The following CCL28 variants were observed in gnomAD, a reference collection of about 807,000 sequenced individuals.
CCL28 encodes the protein C-C motif chemokine ligand 28.
Under a neutral mutation model 7.1 loss-of-function variants are expected in CCL28, and 4 were observed. The observed-to-expected ratio is 0.56, with a 90% CI of 0.28 to 1.29. The LOEUF is 1.29. Ranked by LOEUF, CCL28 falls within the 50% of genes most tolerant of loss-of-function variation. The pLI is 0.11. For missense variants in CCL28, 151 were observed against 163.4 expected (o/e 0.92, Z 0.41); for synonymous variants, 55 against 57.8 (o/e 0.95, Z 0.22).
intron 1 of CCL28, among the ~76,000 whole-genome samples, chr5:43,395,676 A>G (rs1046415757): frequency 1.3e-5 from 2 of 152,080 alleles, no homozygotes; most frequent in East Asian, 1.9e-4. Context: ...ATCTCGTGCA[A>G]GAAAGAATTT....
the CCL28 span, among the ~76,000 whole-genome samples, chr5:43,365,961 T>G: frequency 6.6e-6 from 1 of 152,242 alleles, no homozygotes; most frequent in African/African-American, 2.4e-5. Context: ...ATTTGGCTAT[T>G]GATACTTGTG....
At chr5:43,403,981 C>G (rs1024278410) in intron 1 of CCL28, among the ~76,000 whole-genome samples, 9 of 152,138 alleles carry the variant, frequency 5.9e-5, no homozygotes. Flanking sequence ...AAGAAATGAA[C>G]AAAGCCTCCA....
At chr5:43,360,500 T>A in the CCL28 span, among the ~76,000 whole-genome samples, 1 of 152,214 alleles carries the variant, frequency 6.6e-6, no homozygotes, top group East Asian at 1.9e-4. Context: ...TAGCTCCCAC[T>A]TATACGTGAG....
intron 1 of CCL28, among the ~76,000 whole-genome samples, chr5:43,398,009 A>G (rs2111840421): frequency 6.6e-6 from 1 of 152,274 alleles, no homozygotes; most frequent in South Asian, 2.1e-4. Flanking sequence ...AAATGTCTAC[A>G]ATATCTAGTA....
At chr5:43,372,313 A>T (rs1739800264), downstream of CCL28, among the ~76,000 whole-genome samples, 1 of 152,220 alleles carries the variant, frequency 6.6e-6, no homozygotes, top group Non-Finnish European at 1.5e-5. Flanking sequence ...GTCGTTGAAG[A>T]GGACTCGTGT....
chr5:43,378,865 G>A (rs1234380657), downstream of CCL28, among the ~76,000 whole-genome samples: 3 of 152,088 alleles, frequency 2.0e-5, no homozygotes. Context: ...GGAGGCTGAG[G>A]CAAGGGAATT....
chr5:43,412,162 A>G, intron 1 of CCL28, 91 bp downstream of exon 1: 3 of 880,686 alleles, frequency 3.4e-6, no homozygotes, highest in Non-Finnish European at 5.1e-6. Context: ...GAAGAGATAG[A>G]TATTCTTGCC....
the CCL28 span, among the ~76,000 whole-genome samples, chr5:43,370,811 G>A: frequency 6.7e-6 from 1 of 148,910 alleles, no homozygotes; most frequent in African/African-American, 2.5e-5. Flanking sequence ...GCGTGACCTC[G>A]GCTCACTGCA....
intron 1 of CCL28, among the ~76,000 whole-genome samples, chr5:43,408,406 G>A (rs779454368): frequency 4.6e-5 from 7 of 152,122 alleles, no homozygotes; most frequent in African/African-American, 1.2e-4. Context: ...ACCAAACACC[G>A]CATGTTCTCA....
At chr5:43,375,371 A>T (rs1293592645), downstream of CCL28, among the ~76,000 whole-genome samples, 2 of 147,806 alleles carry the variant, frequency 1.4e-5, no homozygotes, top group African/African-American at 2.5e-5. Context: ...CAAAAAAAAA[A>T]AAAAAAAAAA....
intron 1 of CCL28, among the ~76,000 whole-genome samples, chr5:43,389,927 A>C (rs920501495): frequency 3.9e-5 from 6 of 152,186 alleles, no homozygotes; most frequent in Admixed American, 1.3e-4. Context: ...GGCAACTGTA[A>C]AATTCTGTTA....
intron 2 of CCL28, 30 bp downstream of exon 2, chr5:43,388,320 G>C: frequency 6.2e-7 from 1 of 1,613,382 alleles, no homozygotes; most frequent in Non-Finnish European, 8.5e-7. Context: ...CACTGTGCAG[G>C]TTTAGACCTC....
intron 2 of CCL28, among the ~76,000 whole-genome samples, chr5:43,384,259 G>GA (rs1740246281): frequency 6.6e-6 from 1 of 152,118 alleles, no homozygotes; most frequent in Admixed American, 6.6e-5. Context: ...ATAGACAGAG[G>GA]ATTCAGAAAG....
intron 1 of CCL28, among the ~76,000 whole-genome samples, chr5:43,390,709 C>T (rs1464421524): frequency 6.6e-6 from 1 of 152,226 alleles, no homozygotes; most frequent in African/African-American, 2.4e-5. Context: ...AAGGGATCAT[C>T]CCTCCTACAC....
At chr5:43,373,836 C>T (rs376039818), downstream of CCL28, among the ~76,000 whole-genome samples, 3 of 152,298 alleles carry the variant, frequency 2.0e-5, no homozygotes, top group East Asian at 1.9e-4. Flanking sequence ...CCTGTCCTAC[C>T]TACTGTGCAA....
At chr5:43,410,024 A>C (rs1741470874) in intron 1 of CCL28, among the ~76,000 whole-genome samples, 16 of 152,212 alleles carry the variant, frequency 1.1e-4, no homozygotes, top group Admixed American at 1.0e-3. Context: ...CCATCACAAC[A>C]AGATAGCCAT....
intron 1 of CCL28, among the ~76,000 whole-genome samples, chr5:43,403,165 G>A (rs982734314): frequency 9.9e-5 from 15 of 152,212 alleles, no homozygotes; most frequent in Non-Finnish European, 1.9e-4. Flanking sequence ...GAGAGTAGTG[G>A]TTCTACCAGC....
chr5:43,407,696 G>C (rs1561169401), intron 1 of CCL28, among the ~76,000 whole-genome samples: 1 of 152,172 alleles, frequency 6.6e-6, no homozygotes, highest in Non-Finnish European at 1.5e-5. Context: ...TACCATCAGA[G>C]TGAACAGGCA....
chr5:43,375,714 G>A (rs1451776997), downstream of CCL28, among the ~76,000 whole-genome samples: 3 of 152,308 alleles, frequency 2.0e-5, no homozygotes, highest in Non-Finnish European at 2.9e-5. Context: ...ACTTGGGGCC[G>A]GGGATGGTGG....
Sources: gnomAD v4.1 joint callset for allele counts (sites outside exome capture counted in the v4.1 genomes callset) on GRCh38, gnomAD v4.1.1 for gene constraint, MANE v1.5 for transcripts, NCBI Gene and HGNC (gene_info 2026-07-23, HGNC 2026-07-21) for gene names.